The following FEM1C variants were observed in gnomAD, a reference collection of about 807,000 sequenced individuals.
FEM1C encodes the protein protein fem-1 homolog C.
Under a neutral mutation model 37.6 loss-of-function variants are expected in FEM1C, and 15 were observed. The ratio of observed to expected loss-of-function variants is 0.40; its 90% CI spans 0.27 to 0.61. FEM1C has a LOEUF of 0.61. Ranked by LOEUF, FEM1C falls within the 20% of genes least tolerant of loss-of-function variation. The pLI, the probability that FEM1C is intolerant of heterozygous loss-of-function variation, is 0.42. For synonymous variants in FEM1C, 287 were observed against 272.8 expected (o/e 1.05, Z -0.51); for missense variants, 532 against 749.7 (o/e 0.71, Z 3.39).
Position 115,522,570 on chromosome 5 carries a change from A to G in FEM1C, c.*1738T>C, listed in dbSNP as rs1205495804. The stretch of plus-strand genomic sequence containing the variant: ...CAAAAAGTCTAATGTTCTCTTGTTT[A>G]TTTACTACTCCTCATTACAAGGTTT... On this transcript the variant is annotated 3_prime_UTR_variant, in exon 3 of 3. Transcript: ENST00000274457. 1.3e-5 allele frequency: 2 copies of G among 151,890 alleles called. No individual in the cohort carries two copies. The highest frequency in any genetic ancestry group is 2.9e-5 in the Non-Finnish European group (2 of 67,842). The allele number at this position is 151,890 out of a possible 1,614,324, so 9.4% of individuals were successfully genotyped here. A position where few individuals can be genotyped will look rare whatever the true frequency, so the allele number is the denominator to read the frequency against.
chr5:115,531,000 A>G (rs771473009), intron 2 of FEM1C, among the ~76,000 whole-genome samples: 52 of 152,108 alleles, frequency 3.4e-4, no homozygotes, highest in Non-Finnish European at 6.9e-4. Flanking sequence ...GCATTTTTTT[A>G]TATTCCCACA....
At chr5:115,542,548 A>T (rs1375935144) in intron 2 of FEM1C, among the ~76,000 whole-genome samples, 1 of 141,522 alleles carries the variant, frequency 7.1e-6, no homozygotes, top group Admixed American at 7.1e-5. Flanking sequence ...AGTAATTTCT[A>T]CTCCAAGGTT....
chr5:115,520,982 A>C lies in FEM1C; in HGVS notation c.*3326T>G, dbSNP rs891135316. On this transcript the variant is annotated 3_prime_UTR_variant, in exon 3 of 3. Transcript: ENST00000274457. The stretch of plus-strand genomic sequence containing the variant: ...ATGATTTTCCATTGTGTGACAATTT[A>C]TTAGCTGGCATCCGAATACAGTACT... 6.6e-6 allele frequency: 1 copy of C among 151,790 alleles called. No homozygotes were observed. The highest frequency in any genetic ancestry group is 6.6e-5 in the Admixed American group (1 of 15,140). 9.4% of individuals were successfully genotyped at this position (151,790 alleles called of 1,614,324 possible).
At chr5:115,536,022 G>C (rs1754118327) in intron 2 of FEM1C, among the ~76,000 whole-genome samples, 1 of 151,910 alleles carries the variant, frequency 6.6e-6, no homozygotes, top group Non-Finnish European at 1.5e-5. Context: ...GCAAACTTAA[G>C]ACAGAAAAGA....
Position 115,544,752 on chromosome 5 carries a change from A to AGCGACTGCT in FEM1C, c.-429_-421dup, listed in dbSNP as rs1754322925. 6.6e-6 allele frequency: 1 copy of AGCGACTGCT among 152,642 alleles called. No individual in the cohort carries two copies. Among genetic ancestry groups the AGCGACTGCT allele is most frequent in the Non-Finnish European group, 1.5e-5 (1 of 68,366 alleles). The allele number at this position is 152,642 out of a possible 1,614,324, so 9.5% of individuals were successfully genotyped here. A position where few individuals can be genotyped will look rare whatever the true frequency, so the allele number is the denominator to read the frequency against. On this transcript the variant is annotated 5_prime_UTR_variant, in exon 1 of 3. Coordinates refer to ENST00000274457, the MANE Select transcript of FEM1C (RefSeq NM_020177.3). ...AGTCGGCTCGGACTGCAGCGGCTGC[A>AGCGACTGCT]GCGACTGCTGCGACGGATGGTGTAA...
intron 2 of FEM1C, among the ~76,000 whole-genome samples, chr5:115,531,768 A>C (rs1261414013): frequency 6.6e-6 from 1 of 152,086 alleles, no homozygotes; most frequent in African/African-American, 2.4e-5. Flanking sequence ...TTCTTTCTCA[A>C]CCATTACAAA....
intron 1 of FEM1C, 21 bp from the exon 2 acceptor site, chr5:115,543,704 T>G: frequency 7.4e-7 from 1 of 1,342,974 alleles, no homozygotes; most frequent in Non-Finnish European, 9.5e-7. Flanking sequence ...AAAAAAAAAG[T>G]AGCAGCATTT....
chr5:115,531,049 T>C (rs1242666806), intron 2 of FEM1C, among the ~76,000 whole-genome samples: 1 of 152,114 alleles, frequency 6.6e-6, no homozygotes, highest in Non-Finnish European at 1.5e-5. Flanking sequence ...CTTATATTAA[T>C]AACTTTGCAA....
At position 115,524,818 on chromosome 5, in the gene FEM1C, T is replaced by C; in HGVS notation, c.1344A>G (p.Leu448=). The C allele has an allele frequency of 6.2e-7, 1 of 1,605,186 alleles. No individual in the cohort carries two copies. The highest frequency in any genetic ancestry group is 8.5e-7 in the Non-Finnish European group (1 of 1,176,296). ...AAGGAACTTTCTCTAACAAGCAAAT[T>C]AAGTGCAAAATAATAGAAAGGGCCT... ...LNKALSIILH[L]ICLLEKVPCT... Residue 448 remains leucine, a synonymous_variant, in exon 3 of 3, where the codon TTA becomes TTG. Transcript: ENST00000274457.
chr5:115,537,490 A>C (rs886603907), intron 2 of FEM1C, among the ~76,000 whole-genome samples: 1 of 151,970 alleles, frequency 6.6e-6, no homozygotes, highest in African/African-American at 2.4e-5. Context: ...GACCACATGG[A>C]TATTTCCCTA....
Position 115,523,630 on chromosome 5 carries a change from C to A in FEM1C, c.*678G>T, listed in dbSNP as rs1753819365. ...AAAAGCTTGAGCTATAATAGCTAAC[C>A]TGCAGCTCTAAAAATTGTCATGCTA... On this transcript the variant is annotated 3_prime_UTR_variant, in exon 3 of 3. Transcript: ENST00000274457. 6.6e-6 allele frequency: 1 copy of A among 152,414 alleles called. No individual in the cohort carries two copies. The highest frequency in any genetic ancestry group is 2.1e-4 in the South Asian group (1 of 4,830). 9.4% of individuals were successfully genotyped at this position (152,414 alleles called of 1,614,324 possible).
intron 2 of FEM1C, among the ~76,000 whole-genome samples, chr5:115,531,196 A>G (rs1754007945): frequency 6.6e-6 from 1 of 152,100 alleles, no homozygotes; most frequent in Non-Finnish European, 1.5e-5. Context: ...GTCATATTAA[A>G]CCTCAATGAA....
Position 115,521,503 on chromosome 5 carries a change from T to C in FEM1C, c.*2805A>G, listed in dbSNP as rs866517275. ...TAAGAAAAATGACTATTTTTAAGTCTATAATCCATTTGTCTTTATAAAGTA... is the reference window on the plus strand; with the variant it reads ...TAAGAAAAATGACTATTTTTAAGTCCATAATCCATTTGTCTTTATAAAGTA... On this transcript the variant is annotated 3_prime_UTR_variant, in exon 3 of 3. Coordinates refer to ENST00000274457, the MANE Select transcript of FEM1C (RefSeq NM_020177.3). The C allele has an allele frequency of 2.7e-4, 41 of 151,898 alleles. No homozygotes were observed. The highest frequency in any genetic ancestry group is 7.7e-4 in the African/African-American group (32 of 41,428). 9.4% of individuals were successfully genotyped at this position (151,898 alleles called of 1,614,324 possible). A position where few individuals can be genotyped will look rare whatever the true frequency, so the allele number is the denominator to read the frequency against.
At chr5:115,536,443 C>A (rs909054026) in intron 2 of FEM1C, among the ~76,000 whole-genome samples, 9 of 151,746 alleles carry the variant, frequency 5.9e-5, no homozygotes, top group Admixed American at 2.0e-4. Flanking sequence ...GGGCTGAGTA[C>A]AGAGGTGGTC....
intron 2 of FEM1C, among the ~76,000 whole-genome samples, chr5:115,536,474 G>A (rs939415791): frequency 1.3e-5 from 2 of 151,722 alleles, no homozygotes; most frequent in Non-Finnish European, 2.9e-5. Context: ...ATGAGGATAG[G>A]GTGTGTGGTT....
intron 2 of FEM1C, among the ~76,000 whole-genome samples, chr5:115,533,914 G>C (rs1319660813): frequency 6.7e-6 from 1 of 150,294 alleles, no homozygotes; most frequent in Admixed American, 6.6e-5. Context: ...TTCATTTGGA[G>C]AAAAAAAATA....
In FEM1C at chr5:115,524,100, T is replaced by G; in HGVS notation, c.*208A>C. On this transcript the variant is annotated 3_prime_UTR_variant, in exon 3 of 3. Coordinates refer to ENST00000274457, the MANE Select transcript of FEM1C (RefSeq NM_020177.3). ...GAAATTTGAATGTTACATTTCTCAA[T>G]AATTCACAAACAATATATTATATGG... is the stretch of plus-strand genomic sequence containing the variant. 2.1e-6 allele frequency: 1 copy of G among 482,704 alleles called. No homozygotes were observed. The highest frequency in any genetic ancestry group is 3.6e-6 in the Non-Finnish European group (1 of 276,070). The allele number at this position is 482,704 out of a possible 1,614,324, so 29.9% of individuals were successfully genotyped here.
chr5:115,529,544 TC>T (rs1753973743), intron 2 of FEM1C, among the ~76,000 whole-genome samples: 1 of 152,112 alleles, frequency 6.6e-6, no homozygotes, highest in Non-Finnish European at 1.5e-5. Flanking sequence ...TATATGGTGT[TC>T]TTTAGGCAGA....
chr5:115,543,216 G>A lies in FEM1C; in HGVS notation c.278C>T (p.Ala93Val). The A allele has an allele frequency of 2.5e-6, 4 of 1,614,218 alleles. No homozygotes were observed. Among genetic ancestry groups the A allele is most frequent in the South Asian group, 1.1e-5 (1 of 91,086 alleles). Residue 93 changes from alanine to valine, a missense_variant, in exon 2 of 3, where the codon GCA (alanine) becomes GTA (valine). Around this residue, in one of 3 missense-constraint regions of FEM1C, gnomAD observed 221 missense variants for 404.1 expected, o/e 0.55. Transcript: ENST00000274457. ...GGACTGGACCACCTTCAGATGTCCT[G>A]CTGCAGAAGCGGCCCATAAAGGGGG... ...GAPPLWAASA[A>V]GHLKVVQSLL...
Sources: allele counts gnomAD v4.1 joint callset (sites outside exome capture counted in the v4.1 genomes callset), GRCh38; gene constraint gnomAD v4.1.1; regional missense constraint gnomAD v4.1.1; transcripts MANE v1.5; gene names NCBI Gene and HGNC (gene_info 2026-07-23, HGNC 2026-07-21).